Variants in SUPT3H observed in about 807,000 individuals in gnomAD.
The protein encoded by SUPT3H is SPT3 homolog, SAGA and STAGA complex component, also known as transcription initiation protein SPT3 homolog.
A neutral mutation model predicts 44.3 loss-of-function variants in SUPT3H; 44 were observed. The ratio of observed to expected loss-of-function variants is 0.99; its 90% CI spans 0.78 to 1.28. The LOEUF is 1.28. Among genes scored for constraint, SUPT3H ranks in the 50% most tolerant of loss-of-function variants. The pLI is 0.00. For synonymous variants in SUPT3H, 124 were observed against 125.6 expected (o/e 0.99, Z 0.09); for missense variants, 380 against 387.1 (o/e 0.98, Z 0.15).
Position 44,827,871 on chromosome 6 carries a change from C to T in SUPT3H, c.*1945G>A, listed in dbSNP as rs1204738504. Among the ~76,000 whole-genome samples the T allele has an allele frequency of 6.6e-6, 1 of 151,980 alleles. No individual in the cohort carries two copies. Among genetic ancestry groups the T allele is most frequent in the Admixed American group, 6.6e-5 (1 of 15,254 alleles). ...TTTTATATGAACTTACTGGGCAAAA[C>T]CAGATTTTATAAATAATTACCTGTC... On this transcript the variant is annotated 3_prime_UTR_variant, in exon 11 of 11. Transcript: ENST00000371459.
In SUPT3H at chr6:44,975,066, G is replaced by A. The variant is rs1778130551; in HGVS notation, c.505-13238C>T. On this transcript the variant is annotated intron_variant, in intron 6 of 10. Coordinates refer to ENST00000371459, the MANE Select transcript of SUPT3H (RefSeq NM_003599.4). ...GGTGCCTGTAATCCTAGCTAGTCGG[G>A]AGGTTGAGGCAGGGGAATCACTTGA... 2.0e-5 allele frequency among the ~76,000 whole-genome samples: 3 copies of A among 152,098 alleles called. No homozygotes were observed. In the South Asian group the frequency reaches 6.2e-4, roughly 32 times the overall value.
At chr6:45,162,023 G>T (rs1028046047) in intron 2 of SUPT3H, among the ~76,000 whole-genome samples, 1 of 134,618 alleles carries the variant, frequency 7.4e-6, no homozygotes, top group Non-Finnish European at 1.6e-5. Flanking sequence ...TAACTCTTCA[G>T]AACATGTTTA....
At chr6:44,878,700 T>A (rs779372821) in intron 10 of SUPT3H, among the ~76,000 whole-genome samples, 1 of 152,068 alleles carries the variant, frequency 6.6e-6, no homozygotes, top group African/African-American at 2.4e-5. Flanking sequence ...AGGCGGGTGA[T>A]TTCTGCATTT....
rs73737825 is a variant in SUPT3H, at chr6:45,015,029, T to A, written c.274-138A>T. On this transcript the variant is annotated intron_variant, in intron 4 of 10. Coordinates refer to ENST00000371459, the MANE Select transcript of SUPT3H (RefSeq NM_003599.4). The stretch of plus-strand genomic sequence containing the variant: ...AGTAAAGTAATCCTTAGCATACTGC[T>A]ATGACATAAAAAGGTAGTCATCAAA... 714 of 438,432 alleles carry A rather than the reference T, an allele frequency of 1.6e-3. 10 individuals are homozygous for A. Among genetic ancestry groups the A allele is most frequent in the African/African-American group, 0.014 (666 of 49,126 alleles). The allele number at this position is 438,432 out of a possible 1,614,324, so 27.2% of individuals were successfully genotyped here.
intron 10 of SUPT3H, among the ~76,000 whole-genome samples, chr6:44,889,189 G>A (rs1242645144): frequency 2.0e-5 from 3 of 152,096 alleles, no homozygotes; most frequent in Non-Finnish European, 2.9e-5. Context: ...TGGCCATACT[G>A]TCCAAGGTAA....
intron 10 of SUPT3H, among the ~76,000 whole-genome samples, chr6:44,923,411 G>T (rs1345266021): frequency 1.3e-5 from 2 of 152,082 alleles, no homozygotes; most frequent in Admixed American, 6.6e-5. Context: ...CCAAATAAAG[G>T]TTATGTCATC....
At chr6:44,998,109 T>C (rs1781511111) in intron 6 of SUPT3H, among the ~76,000 whole-genome samples, 1 of 151,944 alleles carries the variant, frequency 6.6e-6, no homozygotes, top group African/African-American at 2.4e-5. Flanking sequence ...TTGAGCTCTG[T>C]CTGAAGTTAT....
chr6:45,177,542 A>G (rs1812201299), intron 2 of SUPT3H, among the ~76,000 whole-genome samples: 1 of 152,156 alleles, frequency 6.6e-6, no homozygotes, highest in South Asian at 2.1e-4. Flanking sequence ...AGGCAGGCCA[A>G]CATTCAGATT....
intron 5 of SUPT3H, among the ~76,000 whole-genome samples, chr6:45,009,587 T>C (rs572974783): frequency 2.0e-5 from 3 of 152,168 alleles, no homozygotes; most frequent in Admixed American, 1.3e-4. Context: ...CCCTATCAAA[T>C]TCTCTTGAAA....
chr6:45,183,652 G>A (rs1252176556), intron 2 of SUPT3H, among the ~76,000 whole-genome samples: 3 of 152,254 alleles, frequency 2.0e-5, no homozygotes, highest in East Asian at 3.9e-4. Flanking sequence ...ACTAGGCCCC[G>A]CCTCCAACAC....
intron 3 of SUPT3H, among the ~76,000 whole-genome samples, chr6:45,041,513 G>A (rs1333072305): frequency 6.6e-6 from 1 of 152,174 alleles, no homozygotes; most frequent in African/African-American, 2.4e-5. Context: ...TGAGGACACA[G>A]AAAAAGGCAG....
intron 3 of SUPT3H, among the ~76,000 whole-genome samples, chr6:45,052,746 C>CACCAGAGG (rs1790491477): frequency 6.6e-6 from 1 of 152,190 alleles, no homozygotes; most frequent in Admixed American, 6.5e-5. Context: ...CTGGACACTA[C>CACCAGAGG]ACCAGAGGCT....
At chr6:45,258,580 T>TA (rs1333136982) in intron 2 of SUPT3H, among the ~76,000 whole-genome samples, 14 of 152,230 alleles carry the variant, frequency 9.2e-5, no homozygotes, top group Non-Finnish European at 1.9e-4. Flanking sequence ...GCGCTAGTGT[T>TA]ATTTGCATAA....
At chr6:45,320,888 TGTA>T (rs1258575919) in intron 2 of SUPT3H, among the ~76,000 whole-genome samples, 2 of 152,152 alleles carry the variant, frequency 1.3e-5, no homozygotes, top group Non-Finnish European at 2.9e-5. Flanking sequence ...TTAGTACAGT[TGTA>T]GTAGTATAAA....
intron 2 of SUPT3H, chr6:45,328,569 A>G: frequency 2.5e-6 from 4 of 1,580,002 alleles, no homozygotes; most frequent in Non-Finnish European, 3.4e-6. Context: ...CAGCTACATA[A>G]TTTCTTGACA....
At chr6:45,133,114 T>C (rs1311402145) in intron 2 of SUPT3H, among the ~76,000 whole-genome samples, 1 of 152,204 alleles carries the variant, frequency 6.6e-6, no homozygotes, top group Non-Finnish European at 1.5e-5. Context: ...GCTTATTTCT[T>C]GCCCAATTCT....
intron 4 of SUPT3H, among the ~76,000 whole-genome samples, chr6:45,019,302 C>CT (rs1364407146): frequency 6.6e-6 from 1 of 152,002 alleles, no homozygotes; most frequent in Admixed American, 6.6e-5. Flanking sequence ...AAACCAGCTC[C>CT]TGGATTCATT....
intron 2 of SUPT3H, among the ~76,000 whole-genome samples, chr6:45,314,284 C>T (rs1170447038): frequency 1.3e-5 from 2 of 152,116 alleles, no homozygotes; most frequent in African/African-American, 4.8e-5. Flanking sequence ...TACTGGAAGT[C>T]TTAGCCAGAA....
intron 3 of SUPT3H, among the ~76,000 whole-genome samples, chr6:45,091,830 G>A (rs1443669906): frequency 6.6e-6 from 1 of 151,624 alleles, no homozygotes; most frequent in Non-Finnish European, 1.5e-5. Flanking sequence ...AAAGTCTTTG[G>A]TCATTACAGT....
Sources: gnomAD v4.1 joint callset for allele counts (sites outside exome capture counted in the v4.1 genomes callset) on GRCh38, gnomAD v4.1.1 for gene constraint, MANE v1.5 for transcripts, NCBI Gene and HGNC (gene_info 2026-07-23, HGNC 2026-07-21) for gene names.